The following ERAP1 variants were observed in gnomAD, a reference collection of about 807,000 sequenced individuals.
The protein encoded by ERAP1 is adipocyte-derived leucine aminopeptidase.
A neutral mutation model predicts 103.7 loss-of-function variants in ERAP1; 86 were observed. The ratio of observed to expected loss-of-function variants is 0.83; its 90% CI spans 0.70 to 0.99. The LOEUF (loss-of-function observed/expected upper bound fraction) is 0.99. Ranked by LOEUF, ERAP1 falls within the 50% of genes least tolerant of loss-of-function variation. The probability of loss-of-function intolerance (pLI) is 0.00; values close to 1 mark genes in which losing one functional copy is unlikely to be tolerated. For synonymous variants in ERAP1, 398 were observed against 402.4 expected (o/e 0.99, Z 0.13); for missense variants, 1,009 against 1,128.4 (o/e 0.89, Z 1.52).
the ERAP1 span, among the ~76,000 whole-genome samples, chr5:96,817,491 C>T: frequency 6.6e-6 from 1 of 152,180 alleles, no homozygotes; most frequent in South Asian, 2.1e-4. Flanking sequence ...AAACTAATTT[C>T]TATGTTGTGT....
the ERAP1 span, chr5:96,912,639 T>C: frequency 6.2e-7 from 1 of 1,605,898 alleles, no homozygotes; most frequent in Non-Finnish European, 8.5e-7. Context: ...TATTACAGTA[T>C]ACCAACAGAT....
the ERAP1 span, among the ~76,000 whole-genome samples, chr5:96,848,154 T>C: frequency 2.6e-5 from 4 of 152,178 alleles, no homozygotes; most frequent in Admixed American, 6.5e-5. Flanking sequence ...GTTCAAGTGA[T>C]TCTCCTGCCT....
chr5:96,814,695 G>A, the ERAP1 span, among the ~76,000 whole-genome samples: 1 of 152,180 alleles, frequency 6.6e-6, no homozygotes, highest in African/African-American at 2.4e-5. Context: ...GAGAAAGAAG[G>A]CAGCTGACAT....
the ERAP1 span, among the ~76,000 whole-genome samples, chr5:96,850,511 T>C: frequency 1.3e-5 from 2 of 152,142 alleles, no homozygotes; most frequent in Non-Finnish European, 2.9e-5. Flanking sequence ...CTAATCTTGA[T>C]CAAAATGCAA....
chr5:96,814,298 G>C, the ERAP1 span: 1 of 456,240 alleles, frequency 2.2e-6, no homozygotes, highest in Non-Finnish European at 4.4e-6. Flanking sequence ...GCAAGTCACA[G>C]GTTTCTCTCA....
the ERAP1 span, among the ~76,000 whole-genome samples, chr5:96,877,994 G>A: frequency 6.6e-6 from 1 of 152,184 alleles, no homozygotes; most frequent in Non-Finnish European, 1.5e-5. Context: ...AGAAGTAGCA[G>A]AGAAAACCTT....
chr5:96,811,035 A>G (rs910729594), upstream of ERAP1, among the ~76,000 whole-genome samples: 1 of 152,030 alleles, frequency 6.6e-6, no homozygotes, highest in Non-Finnish European at 1.5e-5. Flanking sequence ...GCCCTTCCAC[A>G]CACATTGTGG....
At chr5:96,770,755 G>A (rs924124785), downstream of ERAP1, among the ~76,000 whole-genome samples, 4 of 152,134 alleles carry the variant, frequency 2.6e-5, no homozygotes, top group Non-Finnish European at 4.4e-5. Context: ...TAAAGTAATT[G>A]AATTTGTATA....
At position 96,775,273 on chromosome 5, in the gene ERAP1, A is replaced by AC. The variant is rs1163577427; in HGVS notation, c.*1122_*1123insG. 1.0e-6 allele frequency: 1 copy of AC among 985,016 alleles called. No individual in the cohort carries two copies. The highest frequency in any genetic ancestry group is 1.2e-6 in the Non-Finnish European group (1 of 829,530). The allele number at this position is 985,016 out of a possible 1,614,324, so 61.0% of individuals were successfully genotyped here. On this transcript the variant is annotated 3_prime_UTR_variant, in exon 19 of 19. Transcript: ENST00000443439. ...TGTGTGAAGTCTTCACAAAAGAAAG[A>AC]AAGACTTCAAAGCCAAAGAATGTCC...
At chr5:96,828,142 C>T in the ERAP1 span, among the ~76,000 whole-genome samples, 129 of 152,238 alleles carry the variant, frequency 8.5e-4, 1 homozygote, top group African/African-American at 2.7e-3. Context: ...CCATTGAAAA[C>T]GTAGAGACCA....
intron 1 of ERAP1, among the ~76,000 whole-genome samples, chr5:96,807,564 G>A (rs896679981): frequency 1.3e-5 from 2 of 152,174 alleles, no homozygotes; most frequent in Admixed American, 6.5e-5. Context: ...CGCCCGGAGG[G>A]ACAGGGACAG....
chr5:96,888,338 G>C, the ERAP1 span, among the ~76,000 whole-genome samples: 1 of 152,176 alleles, frequency 6.6e-6, no homozygotes, highest in Non-Finnish European at 1.5e-5. Flanking sequence ...TCAGAGGACA[G>C]GTTCCTGTCA....
chr5:96,927,886 T>G, the ERAP1 span, among the ~76,000 whole-genome samples: 10,715 of 152,116 alleles, frequency 0.07, 454 homozygotes, highest in Middle Eastern at 0.15. Flanking sequence ...TCCTATTCTG[T>G]GAACTGTCTT....
chr5:96,878,992 C>T, the ERAP1 span, among the ~76,000 whole-genome samples: 1 of 152,060 alleles, frequency 6.6e-6, no homozygotes, highest in Non-Finnish European at 1.5e-5. Context: ...GTAATCCCAA[C>T]AGTTTGGGAG....
chr5:96,786,097 T>C, intron 12 of ERAP1, 126 bp from the exon 13 acceptor site: 1 of 876,828 alleles, frequency 1.1e-6, no homozygotes, highest in Admixed American at 2.1e-5. Flanking sequence ...ACATCACTTA[T>C]TTCTCTCAGA....
At chr5:96,774,455 GGAGA>G, downstream of ERAP1, 1 of 959,222 alleles carries the variant, frequency 1.0e-6, no homozygotes, top group Non-Finnish European at 1.2e-6. Context: ...AGTCTAGTTA[GGAGA>G]GAGAAAATAA....
intron 18 of ERAP1, among the ~76,000 whole-genome samples, chr5:96,778,700 A>G (rs1379948117): frequency 1.3e-5 from 2 of 152,196 alleles, no homozygotes; most frequent in African/African-American, 2.4e-5. Flanking sequence ...TTCAATGTGG[A>G]AAATGTTTTG....
chr5:96,823,880 C>G, the ERAP1 span, among the ~76,000 whole-genome samples: 2 of 152,322 alleles, frequency 1.3e-5, no homozygotes, highest in South Asian at 2.1e-4. Flanking sequence ...CATCACTATT[C>G]TTGTGCTTTG....
At chr5:96,864,012 AT>A in the ERAP1 span, among the ~76,000 whole-genome samples, 4 of 151,306 alleles carry the variant, frequency 2.6e-5, no homozygotes, top group South Asian at 2.1e-4. Flanking sequence ...TAAATTCTTG[AT>A]TTTTTTTTAC....
Sources: gnomAD v4.1 joint callset for allele counts (sites outside exome capture counted in the v4.1 genomes callset) on GRCh38, gnomAD v4.1.1 for gene constraint, MANE v1.5 for transcripts, NCBI Gene and HGNC (gene_info 2026-07-23, HGNC 2026-07-21) for gene names.